HSD17B2: variants seen among roughly 807,000 people sequenced by gnomAD.
The protein encoded by HSD17B2 is hydroxysteroid 17-beta dehydrogenase 2.
A neutral mutation model predicts 26.9 loss-of-function variants in HSD17B2; 32 were observed. The observed-to-expected ratio is 1.19, with a 90% CI of 0.90 to 1.60. The LOEUF (loss-of-function observed/expected upper bound fraction) is 1.60, where lower values mean the gene tolerates loss of function less well. Ranked by LOEUF, HSD17B2 falls within the 40% of genes most tolerant of loss-of-function variation. HSD17B2 has a pLI of 0.00. For missense variants in HSD17B2, 613 were observed against 468.6 expected (o/e 1.31, Z -2.85); for synonymous variants, 246 against 186.7 (o/e 1.32, Z -2.59).
rs1904300129 is a variant in HSD17B2 at position 82,076,154 on chromosome 16, A to T, written c.664+5027A>T. Among the ~76,000 whole-genome samples the T allele has an allele frequency of 1.3e-5, 2 of 152,198 alleles. 1 individual carries two copies. Among genetic ancestry groups the T allele is most frequent in the Non-Finnish European group, 2.9e-5 (2 of 68,038 alleles). ...CATATGATCATTTCAATTGATTCTAAGAAAAGCATCTGATAAAATTCAACA... is the reference window on the plus strand; with the variant it reads ...CATATGATCATTTCAATTGATTCTATGAAAAGCATCTGATAAAATTCAACA... On this transcript the variant is annotated intron_variant, in intron 3 of 4. Coordinates refer to ENST00000199936, the MANE Select transcript of HSD17B2 (RefSeq NM_002153.3).
At chr16:82,067,412 T>C (rs1914597531) in intron 1 of HSD17B2, among the ~76,000 whole-genome samples, 1 of 152,230 alleles carries the variant, frequency 6.6e-6, no homozygotes, top group Admixed American at 6.5e-5. Flanking sequence ...CACTTGTGGG[T>C]ATAAAACACT....
intron 3 of HSD17B2, among the ~76,000 whole-genome samples, chr16:82,088,374 T>C (rs891067578): frequency 1.3e-5 from 2 of 152,170 alleles, no homozygotes; most frequent in Non-Finnish European, 2.9e-5. Context: ...AATTTAACTT[T>C]CGCAACGATC....
intron 3 of HSD17B2, among the ~76,000 whole-genome samples, chr16:82,080,792 C>T (rs1904357753): frequency 6.6e-6 from 1 of 152,184 alleles, no homozygotes. Context: ...ACTTTCTCCT[C>T]ATTCTTTACA....
chr16:82,044,029 A>G (rs1913843466), intron 1 of HSD17B2, among the ~76,000 whole-genome samples: 2 of 152,232 alleles, frequency 1.3e-5, no homozygotes, highest in South Asian at 4.1e-4. Context: ...TCTTTGAACT[A>G]AATCTTCTCA....
intron 1 of HSD17B2, among the ~76,000 whole-genome samples, chr16:82,044,842 G>T (rs1011430494): frequency 6.6e-6 from 1 of 152,140 alleles, no homozygotes; most frequent in African/African-American, 2.4e-5. Flanking sequence ...TTCTGACTGG[G>T]CATGGTGGCT....
chr16:82,084,823 C>A (rs1454787176), intron 3 of HSD17B2, among the ~76,000 whole-genome samples: 2 of 152,194 alleles, frequency 1.3e-5, no homozygotes, highest in Non-Finnish European at 2.9e-5. Flanking sequence ...ACCTTGAACT[C>A]TTGGGCTCAA....
Position 82,043,460 on chromosome 16 carries a change from G to A in HSD17B2, c.265+7771G>A, listed in dbSNP as rs537396764. Among the ~76,000 whole-genome samples, 4 of 124,306 alleles carry A rather than the reference G, an allele frequency of 3.2e-5. 1 individual carries two copies. Among genetic ancestry groups the A allele is most frequent in the Non-Finnish European group, 4.4e-5 (3 of 67,542 alleles). 81.5% of individuals were successfully genotyped at this position (124,306 alleles called of 152,430 possible). The stretch of plus-strand genomic sequence containing the variant: ...AGCACTTTGGGAGGCCGAGGCGGGC[G>A]GATCACGAGGTCAGGAGATGGAGAC... On this transcript the variant is annotated intron_variant, in intron 1 of 4. Transcript: ENST00000199936.
chr16:82,064,970 A>G (rs933760749), intron 1 of HSD17B2, among the ~76,000 whole-genome samples: 6 of 152,202 alleles, frequency 3.9e-5, no homozygotes, highest in Non-Finnish European at 7.3e-5. Flanking sequence ...TTGCAGCCAC[A>G]ATTCCACATT....
intron 1 of HSD17B2, among the ~76,000 whole-genome samples, chr16:82,055,988 G>A (rs1224179943): frequency 6.6e-6 from 1 of 152,188 alleles, no homozygotes; most frequent in East Asian, 1.9e-4. Flanking sequence ...CTGTTGTAAA[G>A]AACTAGGTCA....
At chr16:82,036,898 A>G (rs1005617925) in intron 1 of HSD17B2, among the ~76,000 whole-genome samples, 2 of 152,066 alleles carry the variant, frequency 1.3e-5, no homozygotes, top group South Asian at 2.1e-4. Context: ...GAGAGTCTCA[A>G]TTTTCCTGTT....
rs138727940 is a variant in HSD17B2, at chr16:82,068,554, G to A, written c.478+172G>A. On this transcript the variant is annotated intron_variant, in intron 2 of 4. Coordinates refer to ENST00000199936, the MANE Select transcript of HSD17B2 (RefSeq NM_002153.3). ...GGCCTCTATCAACATGAAGACCTTC[G>A]GAGTAACTCAGACATGGGCCCATCC... Among the ~76,000 whole-genome samples, 61 of 152,118 alleles carry A rather than the reference G, an allele frequency of 4.0e-4. No individual in the cohort carries two copies. The South Asian group carries it at 0.01, about 25-fold the overall frequency.
At chr16:82,093,965 G>C (rs1372618881) in intron 4 of HSD17B2, 2 of 152,154 alleles carry the variant, frequency 1.3e-5, no homozygotes, top group Admixed American at 6.6e-5. Context: ...CCTGGTGCTG[G>C]TGGAAGTGTC....
intron 3 of HSD17B2, among the ~76,000 whole-genome samples, chr16:82,080,475 A>C (rs1904349469): frequency 6.6e-6 from 1 of 152,190 alleles, no homozygotes; most frequent in Non-Finnish European, 1.5e-5. Flanking sequence ...CAAGGAATGC[A>C]GGTGGCTTCT....
At chr16:82,040,995 C>A (rs1004683047) in intron 1 of HSD17B2, among the ~76,000 whole-genome samples, 2 of 152,142 alleles carry the variant, frequency 1.3e-5, no homozygotes, top group Non-Finnish European at 2.9e-5. Flanking sequence ...ACTTATCATG[C>A]GGTTTAAGTT....
chr16:82,069,769 A>T (rs906613346), intron 2 of HSD17B2, among the ~76,000 whole-genome samples: 5 of 152,106 alleles, frequency 3.3e-5, no homozygotes, highest in African/African-American at 1.2e-4. Flanking sequence ...GGCAGACCCA[A>T]TGCAAAATGA....
intron 3 of HSD17B2, among the ~76,000 whole-genome samples, chr16:82,087,410 T>G (rs1248797125): frequency 4.6e-5 from 7 of 152,166 alleles, no homozygotes; most frequent in Non-Finnish European, 8.8e-5. Flanking sequence ...AATCAGCAAC[T>G]TTGGACACCT....
In HSD17B2 at chr16:82,049,748, C is replaced by T. The variant is rs569958231; in HGVS notation, c.265+14059C>T. The stretch of plus-strand genomic sequence containing the variant: ...GACTACAAGCAGTTCATTGTTTTTA[C>T]AGATAGACTTCAGCCAACCACTGAA... On this transcript the variant is annotated intron_variant, in intron 1 of 4. Coordinates refer to ENST00000199936, the MANE Select transcript of HSD17B2 (RefSeq NM_002153.3). 2.0e-5 allele frequency among the ~76,000 whole-genome samples: 3 copies of T among 152,198 alleles called. No homozygotes were observed. In the South Asian group the frequency reaches 6.2e-4, roughly 31 times the overall value.
chr16:82,074,447 C>T (rs1029079068), intron 3 of HSD17B2, among the ~76,000 whole-genome samples: 3 of 152,136 alleles, frequency 2.0e-5, no homozygotes, highest in Admixed American at 2.0e-4. Flanking sequence ...GGCATATGTA[C>T]TCAACAGGGC....
chr16:82,066,305 G>A (rs1037298586), intron 1 of HSD17B2, among the ~76,000 whole-genome samples: 12 of 152,188 alleles, frequency 7.9e-5, no homozygotes, highest in African/African-American at 2.4e-4. Context: ...TGGAGCAAAC[G>A]TTAAATGCAA....
Sources: gnomAD v4.1 joint callset for allele counts (sites outside exome capture counted in the v4.1 genomes callset) on GRCh38, gnomAD v4.1.1 for gene constraint, MANE v1.5 for transcripts, NCBI Gene and HGNC (gene_info 2026-07-23, HGNC 2026-07-21) for gene names.